Variants in ZBTB46 observed in about 807,000 individuals in gnomAD.
ZBTB46 encodes the protein zinc finger and BTB domain containing 46, also known as zinc finger and BTB domain-containing protein 46.
ZBTB46 carries 8 observed loss-of-function variants against 44.1 expected under a neutral mutation model. The ratio of observed to expected loss-of-function variants is 0.18; its 90% confidence interval spans 0.11 to 0.33. The LOEUF (loss-of-function observed/expected upper bound fraction) is 0.33, where lower values mean the gene tolerates loss of function less well. ZBTB46 is among the 10% of genes least tolerant of loss of function. The pLI, the probability that ZBTB46 is intolerant of heterozygous loss-of-function variation, is 1.00. For missense variants in ZBTB46, 651 were observed against 847.7 expected (o/e 0.77, Z 2.88); for synonymous variants, 409 against 382.3 (o/e 1.07, Z -0.81).
At chr20:63,754,108 C>A (rs2092197028) in intron 3 of ZBTB46, among the ~76,000 whole-genome samples, 1 of 152,200 alleles carries the variant, frequency 6.6e-6, no homozygotes, top group African/African-American at 2.4e-5. Context: ...TCTGTGTGGC[C>A]AAGACACAGA....
At chr20:63,756,065 T>A (rs1283105421) in intron 3 of ZBTB46, among the ~76,000 whole-genome samples, 1 of 152,230 alleles carries the variant, frequency 6.6e-6, no homozygotes, top group Non-Finnish European at 1.5e-5. Context: ...CAGTCATTCG[T>A]GCCGGACTGG....
At chr20:63,769,449 G>A in intron 3 of ZBTB46, 4 of 985,124 alleles carry the variant, frequency 4.1e-6, no homozygotes, top group Non-Finnish European at 4.8e-6. Context: ...GTTCTAGAGA[G>A]TTCCAGAAGC....
At chr20:63,772,221 A>G (rs1353053014) in intron 3 of ZBTB46, among the ~76,000 whole-genome samples, 3 of 151,890 alleles carry the variant, frequency 2.0e-5, no homozygotes, top group Admixed American at 6.6e-5. Flanking sequence ...GTCTTGAACT[A>G]CTGACCTCAG....
intron 2 of ZBTB46, among the ~76,000 whole-genome samples, chr20:63,784,574 C>G (rs2092497067): frequency 6.6e-6 from 1 of 152,226 alleles, no homozygotes; most frequent in African/African-American, 2.4e-5. Flanking sequence ...TCCACTTTGT[C>G]AAGGCCTCAC....
rs866369627 is a variant in ZBTB46, at chr20:63,821,554, C to T, written c.-34+9543G>A. ...TCCCAGGTTCAAGTGATTCTCCTGC[C>T]TCAGCCTCCCAAGTAGCTGGGATTA... On this transcript the variant is annotated intron_variant, in intron 1 of 4. Coordinates refer to ENST00000245663, the MANE Select transcript of ZBTB46 (RefSeq NM_001369741.1). Among the ~76,000 whole-genome samples the T allele has an allele frequency of 2.0e-5, 3 of 152,198 alleles. No individual in the cohort carries two copies. In the South Asian group the frequency reaches 6.2e-4, roughly 32 times the overall value.
chr20:63,769,591 G>A (rs532595360), intron 3 of ZBTB46, among the ~76,000 whole-genome samples: 15 of 152,256 alleles, frequency 9.9e-5, no homozygotes, highest in Non-Finnish European at 1.9e-4. Flanking sequence ...ACTTCTCTGC[G>A]GTGTGTCTCT....
At chr20:63,798,437 G>A (rs1267676649) in intron 1 of ZBTB46, among the ~76,000 whole-genome samples, 4 of 152,012 alleles carry the variant, frequency 2.6e-5, no homozygotes, top group Non-Finnish European at 5.9e-5. Context: ...CACTTTGGGA[G>A]GCCGAGGTGG....
intron 4 of ZBTB46, among the ~76,000 whole-genome samples, chr20:63,749,547 A>G (rs535635019): frequency 6.5e-4 from 99 of 152,286 alleles, no homozygotes; most frequent in Admixed American, 1.2e-3. Context: ...CGTGTTAGCC[A>G]GGATGGTCTC....
chr20:63,808,971 C>G (rs1297128255), intron 1 of ZBTB46, among the ~76,000 whole-genome samples: 1 of 113,414 alleles, frequency 8.8e-6, no homozygotes, highest in Non-Finnish European at 1.7e-5. Context: ...AGCGAGACTC[C>G]GCTTCAAAAA....
At chr20:63,747,767 C>T (rs990742055) in intron 4 of ZBTB46, among the ~76,000 whole-genome samples, 4 of 152,114 alleles carry the variant, frequency 2.6e-5, no homozygotes, top group Non-Finnish European at 4.4e-5. Flanking sequence ...GCCCCTCCCC[C>T]GCAAACCCAG....
intron 1 of ZBTB46, among the ~76,000 whole-genome samples, chr20:63,814,146 T>A (rs927959418): frequency 3.4e-5 from 5 of 145,042 alleles, no homozygotes; most frequent in African/African-American, 1.3e-4. Context: ...GGCAGGAGAA[T>A]GGCATGAACC....
intron 1 of ZBTB46, among the ~76,000 whole-genome samples, chr20:63,827,078 A>T (rs370366493): frequency 6.6e-6 from 1 of 152,084 alleles, no homozygotes; most frequent in South Asian, 2.1e-4. Context: ...ACAGCAGTCC[A>T]CACAGCAGTC....
chr20:63,750,397 CTT>C (rs893559510), intron 4 of ZBTB46, among the ~76,000 whole-genome samples: 36 of 145,040 alleles, frequency 2.5e-4, no homozygotes, highest in Non-Finnish European at 4.7e-4. Flanking sequence ...ACTTGGCTAA[CTT>C]TTTTTTTTTT....
intron 3 of ZBTB46, among the ~76,000 whole-genome samples, chr20:63,761,395 C>G (rs1224203535): frequency 6.6e-6 from 1 of 152,126 alleles, no homozygotes; most frequent in East Asian, 1.9e-4. Flanking sequence ...TTTCTTCTGT[C>G]CTAATATATA....
Position 63,771,285 on chromosome 20 carries a change from C to T in ZBTB46, c.1222+4393G>A, listed in dbSNP as rs759017860. On this transcript the variant is annotated intron_variant, in intron 3 of 4. Coordinates refer to ENST00000245663, the MANE Select transcript of ZBTB46 (RefSeq NM_001369741.1). The stretch of plus-strand genomic sequence containing the variant: ...GAGCTGCAAGATGGCGGGGGGGCTA[C>T]GCCACAAGCTGCAATGAGCTGCCCC... 4.1e-4 allele frequency among the ~76,000 whole-genome samples: 62 copies of T among 152,158 alleles called. 1 individual carries two copies. Among genetic ancestry groups the T allele is most frequent in the Admixed American group, 1.5e-3 (23 of 15,290 alleles).
At chr20:63,789,521 C>T (rs565614251) in intron 2 of ZBTB46, among the ~76,000 whole-genome samples, 1 of 152,328 alleles carries the variant, frequency 6.6e-6, no homozygotes, top group East Asian at 1.9e-4. Flanking sequence ...ACCCACCCCC[C>T]GGCTCACGTC....
chr20:63,802,337 C>A (rs1218433770), intron 1 of ZBTB46, among the ~76,000 whole-genome samples: 2 of 152,052 alleles, frequency 1.3e-5, no homozygotes, highest in African/African-American at 4.8e-5. Flanking sequence ...GCACAAGAAT[C>A]ACTTGAACCG....
chr20:63,774,773 G>A (rs1459635213), intron 3 of ZBTB46, among the ~76,000 whole-genome samples: 10 of 65,538 alleles, frequency 1.5e-4, no homozygotes, highest in African/African-American at 4.4e-4. Flanking sequence ...GCGCGATCTC[G>A]GCTCACTGCA....
intron 3 of ZBTB46, among the ~76,000 whole-genome samples, chr20:63,756,916 G>A (rs533583760): frequency 5.3e-4 from 81 of 152,332 alleles, no homozygotes; most frequent in Non-Finnish European, 1.0e-3. Context: ...TGGGCCTATT[G>A]AACAATGGAG....
Sources: gnomAD v4.1 joint callset for allele counts (sites outside exome capture counted in the v4.1 genomes callset) on GRCh38, gnomAD v4.1.1 for gene constraint, MANE v1.5 for transcripts, NCBI Gene and HGNC (gene_info 2026-07-23, HGNC 2026-07-21) for gene names.